Variants in SYNGR4 observed in about 807,000 individuals in gnomAD.
SYNGR4 encodes synaptogyrin 4.
In SYNGR4, 15 loss-of-function variants were observed where a neutral mutation model predicts 15.5. The observed-to-expected ratio is 0.97, with a 90% confidence interval of 0.65 to 1.49. The LOEUF (loss-of-function observed/expected upper bound fraction) is 1.49, where lower values mean the gene tolerates loss of function less well. Ranked by LOEUF, SYNGR4 falls within the 40% of genes most tolerant of loss-of-function variation. The pLI, the probability that SYNGR4 is intolerant of heterozygous loss-of-function variation, is 0.00. For missense variants in SYNGR4, 292 were observed against 299.3 expected, an observed-to-expected ratio of 0.98 and a Z score of 0.18; for synonymous variants, 121 against 127.4, an observed-to-expected ratio of 0.95 and a Z score of 0.34.
In SYNGR4 at chr19:48,376,338, T is replaced by C; in HGVS notation, c.*20T>C. 3 of 1,610,792 alleles carry C rather than the reference T, an allele frequency of 1.9e-6. No homozygotes were observed. Among genetic ancestry groups the C allele is most frequent in the Non-Finnish European group, 2.5e-6 (3 of 1,178,942 alleles). On this transcript the variant is annotated 3_prime_UTR_variant, in exon 5 of 5. Transcript: ENST00000344846. ...AACTAAATATCCTTATCCAAATCAATAAAGAGAGAATCCTCCCTCCAGAAG... is the reference window on the plus strand; with the variant it reads ...AACTAAATATCCTTATCCAAATCAACAAAGAGAGAATCCTCCCTCCAGAAG...
chr19:48,374,890 C>T lies in SYNGR4; in HGVS notation c.332-723C>T, dbSNP rs1028980260. On this transcript the variant is annotated intron_variant, in intron 3 of 4. Coordinates refer to ENST00000344846, the MANE Select transcript of SYNGR4 (RefSeq NM_012451.4). ...ACTCGGGAGGCTGAGGCAGGAGAATCGCTTGAACCCGGGAGGCAGAGCTTG... is the reference window on the plus strand; with the variant it reads ...ACTCGGGAGGCTGAGGCAGGAGAATTGCTTGAACCCGGGAGGCAGAGCTTG... Among the ~76,000 whole-genome samples the T allele has an allele frequency of 5.9e-5, 9 of 151,580 alleles. 1 individual carries two copies. Among genetic ancestry groups the T allele is most frequent in the African/African-American group, 1.9e-4 (8 of 41,302 alleles).
chr19:48,365,219 C>T (rs567581210), intron 1 of SYNGR4, among the ~76,000 whole-genome samples: 26 of 137,450 alleles, frequency 1.9e-4, no homozygotes, highest in African/African-American at 6.8e-4. Flanking sequence ...CCATCCTATG[C>T]CCCCCTCTCC....
intron 2 of SYNGR4, among the ~76,000 whole-genome samples, chr19:48,369,999 G>A (rs985817782): frequency 6.6e-6 from 1 of 152,178 alleles, no homozygotes; most frequent in Admixed American, 6.5e-5. Flanking sequence ...GGGTGTTGCT[G>A]CTGTTGTTGT....
At chr19:48,367,853 T>G (rs532991521) in intron 2 of SYNGR4, among the ~76,000 whole-genome samples, 8 of 152,210 alleles carry the variant, frequency 5.3e-5, no homozygotes, top group Non-Finnish European at 1.0e-4. Flanking sequence ...GGCTCTGACC[T>G]TTAACCTGTG....
At chr19:48,365,206 T>G (rs1474932807) in intron 1 of SYNGR4, among the ~76,000 whole-genome samples, 2 of 132,348 alleles carry the variant, frequency 1.5e-5, no homozygotes, top group African/African-American at 3.1e-5. Context: ...ACCCCTAGTA[T>G]CCCCATCCTA....
At chr19:48,375,493 T>G in intron 3 of SYNGR4, 120 bp from the exon 4 acceptor site, 1 of 1,320,282 alleles carries the variant, frequency 7.6e-7, no homozygotes, top group Non-Finnish European at 1.0e-6. Context: ...AAAAAAGTAT[T>G]TTTCAATACC....
chr19:48,364,691 C>T (rs984423791), intron 1 of SYNGR4, among the ~76,000 whole-genome samples, 154 bp downstream of exon 1: 9 of 151,956 alleles, frequency 5.9e-5, no homozygotes, highest in African/African-American at 2.2e-4. Context: ...ACAAGGACAG[C>T]CTGAAATATG....
intron 2 of SYNGR4, among the ~76,000 whole-genome samples, chr19:48,372,472 C>T (rs924205589): frequency 1.3e-5 from 2 of 151,270 alleles, no homozygotes; most frequent in African/African-American, 4.9e-5. Flanking sequence ...GGTGAAACCC[C>T]GTCTCTACTA....
At chr19:48,373,813 G>A in intron 3 of SYNGR4, 59 bp downstream of exon 3, 1 of 1,551,650 alleles carries the variant, frequency 6.4e-7, no homozygotes, top group Non-Finnish European at 8.9e-7. Context: ...AGCCCTCCTG[G>A]CTCCCCAGGG....
chr19:48,376,280 C>T lies in SYNGR4; in HGVS notation c.667C>T (p.Pro223Ser). 3 of 1,613,120 alleles carry T rather than the reference C, an allele frequency of 1.9e-6. No individual in the cohort carries two copies. The highest frequency in any genetic ancestry group is 2.5e-6 in the Non-Finnish European group (3 of 1,179,762). Reference sequence around the variant, plus strand: ...TGCCCTGTCCCCCTGTCTGACCGCTCCAAAGTCCCCCCGGCTTGCTATGAT... The same window carrying T: ...TGCCCTGTCCCCCTGTCTGACCGCTTCAAAGTCCCCCCGGCTTGCTATGAT... ...SSALSPCLTAPKSPRLAMMPD... is the reference protein window; with the variant it reads ...SSALSPCLTASKSPRLAMMPD... The change falls in exon 5 of 5, where the codon CCA (proline) becomes TCA (serine). Residue 223 changes from proline to serine, a missense_variant. Pro to Ser is a moderately conservative substitution (Grantham distance 74). Transcript: ENST00000344846.
intron 2 of SYNGR4, 93 bp downstream of exon 2, chr19:48,366,028 G>C: frequency 1.5e-6 from 2 of 1,344,296 alleles, no homozygotes; most frequent in Non-Finnish European, 2.1e-6. Context: ...GGAGGACAAG[G>C]AAGGGGTCAG....
At chr19:48,370,818 G>C (rs1238162665) in intron 2 of SYNGR4, among the ~76,000 whole-genome samples, 1 of 152,048 alleles carries the variant, frequency 6.6e-6, no homozygotes, top group Non-Finnish European at 1.5e-5. Context: ...CAATCACCAA[G>C]TCCTATTTTA....
At position 48,375,673 on chromosome 19, in the gene SYNGR4, C is replaced by A. The variant is rs746053316; in HGVS notation, c.392C>A (p.Ser131Ter). Residue 131 changes from serine (S) to a stop codon, truncating the protein, a stop_gained, in exon 4 of 5, where the codon TCG becomes TAG. Transcript: ENST00000344846. LOFTEE classifies it high-confidence loss of function. ...FCFLANQWQHSPPKEFLLGSS... is the reference protein window; with the variant it reads ...FCFLANQWQH ...TTCCTGGCCAACCAATGGCAGCATTCGCCGCCCAAAGAGTTCCTCCTGGGG... is the reference window on the plus strand; with the variant it reads ...TTCCTGGCCAACCAATGGCAGCATTAGCCGCCCAAAGAGTTCCTCCTGGGG... The A allele has an allele frequency of 3.7e-6, 6 of 1,614,050 alleles. No homozygotes were observed. The South Asian group carries it at 6.6e-5, about 18-fold the overall frequency.
At chr19:48,371,171 G>A (rs1970299004) in intron 2 of SYNGR4, among the ~76,000 whole-genome samples, 1 of 152,154 alleles carries the variant, frequency 6.6e-6, no homozygotes, top group Admixed American at 6.6e-5. Flanking sequence ...TGCCCGCTCT[G>A]CAGCATCTGG....
At chr19:48,366,583 T>C (rs528265897) in intron 2 of SYNGR4, among the ~76,000 whole-genome samples, 24 of 151,930 alleles carry the variant, frequency 1.6e-4, no homozygotes, top group African/African-American at 5.3e-4. Flanking sequence ...TTTTTGTATT[T>C]TTAGTAGAGA....
chr19:48,373,819 C>T (rs1970353941), intron 3 of SYNGR4, 65 bp downstream of exon 3: 12 of 1,537,634 alleles, frequency 7.8e-6, no homozygotes, highest in Non-Finnish European at 8.9e-6. Context: ...CCTGGCTCCC[C>T]AGGGCCTCCC....
At chr19:48,370,000 CTGT>C (rs886168000) in intron 2 of SYNGR4, among the ~76,000 whole-genome samples, 8 of 152,148 alleles carry the variant, frequency 5.3e-5, no homozygotes, top group African/African-American at 1.4e-4. Context: ...GGTGTTGCTG[CTGT>C]TGTTGTTCAC....
chr19:48,372,581 C>A (rs1970325983), intron 2 of SYNGR4, among the ~76,000 whole-genome samples: 7 of 151,658 alleles, frequency 4.6e-5, no homozygotes, highest in Admixed American at 4.6e-4. Flanking sequence ...ACCCCGGGGG[C>A]CGGAGCCTGC....
chr19:48,372,777 G>A (rs1334959119), intron 2 of SYNGR4, among the ~76,000 whole-genome samples: 2 of 152,176 alleles, frequency 1.3e-5, no homozygotes, highest in Non-Finnish European at 2.9e-5. Context: ...GGTGACACTG[G>A]GTGTTTCTTA....
Sources: allele counts gnomAD v4.1 joint callset (sites outside exome capture counted in the v4.1 genomes callset), GRCh38; gene constraint gnomAD v4.1.1; transcripts MANE v1.5; gene names NCBI Gene and HGNC (gene_info 2026-07-23, HGNC 2026-07-21).